PAPPA: variants seen among roughly 807,000 people sequenced by gnomAD.
The protein encoded by PAPPA is pappalysin-1.
PAPPA carries 60 observed loss-of-function variants against 164.0 expected under a neutral mutation model. The ratio of observed to expected loss-of-function variants is 0.37; its 90% confidence interval spans 0.30 to 0.45. The LOEUF is 0.45. PAPPA is among the 20% of genes least tolerant of loss of function. The pLI, the probability that PAPPA is intolerant of heterozygous loss-of-function variation, is 1.00. For missense variants in PAPPA, 1,782 were observed against 2,087.3 expected, an observed-to-expected ratio of 0.85 and a Z score of 2.85; for synonymous variants, 875 against 814.1, an observed-to-expected ratio of 1.07 and a Z score of -1.27.
intron 1 of PAPPA, among the ~76,000 whole-genome samples, chr9:116,185,614 C>G (rs1843960392): frequency 6.6e-6 from 1 of 152,168 alleles, no homozygotes; most frequent in African/African-American, 2.4e-5. Context: ...CCCACCTGGC[C>G]TCATACATCA....
chr9:116,324,920 C>T (rs1175382336), intron 10 of PAPPA, among the ~76,000 whole-genome samples: 1 of 152,182 alleles, frequency 6.6e-6, no homozygotes, highest in Non-Finnish European at 1.5e-5. Context: ...CCTTTGTAAG[C>T]TGTGTCAAGG....
chr9:116,358,452 T>G (rs1846381597), intron 17 of PAPPA, among the ~76,000 whole-genome samples: 1 of 152,224 alleles, frequency 6.6e-6, no homozygotes, highest in South Asian at 2.1e-4. Context: ...GATTGATTGC[T>G]TCATTTAAGC....
chr9:116,314,848 C>T lies in PAPPA; in HGVS notation c.3147+11898C>T, dbSNP rs141831667. On this transcript the variant is annotated intron_variant, in intron 10 of 21. Coordinates refer to ENST00000328252, the MANE Select transcript of PAPPA (RefSeq NM_002581.5). ...CAGCCCATGAGCAGCCTCCCTCTTC[C>T]ATGTACAGAATACTTCTGGAATTAT... is the stretch of plus-strand genomic sequence containing the variant. 9.7e-3 allele frequency among the ~76,000 whole-genome samples: 1,474 copies of T among 152,312 alleles called. 18 individuals are homozygous for T. The highest frequency in any genetic ancestry group is 0.042 in the South Asian group (202 of 4,812).
intron 17 of PAPPA, among the ~76,000 whole-genome samples, chr9:116,361,643 CAGTT>C (rs1362730714): frequency 6.6e-6 from 1 of 152,168 alleles, no homozygotes; most frequent in African/African-American, 2.4e-5. Flanking sequence ...CCCTCATAAC[CAGTT>C]ACTCTTCCTT....
chr9:116,293,540 C>T (rs115939371), intron 9 of PAPPA, among the ~76,000 whole-genome samples: 1,654 of 152,314 alleles, frequency 0.011, 22 homozygotes, highest in African/African-American at 0.038. Flanking sequence ...TGGGAAAGAA[C>T]TGGATGCATT....
intron 20 of PAPPA, among the ~76,000 whole-genome samples, chr9:116,378,098 T>A (rs1846679154): frequency 6.6e-6 from 1 of 152,214 alleles, no homozygotes. Flanking sequence ...ACCTATTCCT[T>A]CTGCCCCACA....
intron 11 of PAPPA, among the ~76,000 whole-genome samples, chr9:116,331,985 T>A (rs1424072423): frequency 6.6e-6 from 1 of 152,188 alleles, no homozygotes; most frequent in Non-Finnish European, 1.5e-5. Context: ...ACTCTCATTA[T>A]CTTACTAGAA....
chr9:116,298,318 C>A (rs1052765420), intron 9 of PAPPA, among the ~76,000 whole-genome samples: 6 of 152,230 alleles, frequency 3.9e-5, no homozygotes, highest in African/African-American at 1.4e-4. Flanking sequence ...GAACTCATTT[C>A]TTCCAAAAGG....
chr9:116,264,344 C>G (rs183982135), intron 7 of PAPPA, among the ~76,000 whole-genome samples: 1 of 152,218 alleles, frequency 6.6e-6, no homozygotes, highest in African/African-American at 2.4e-5. Context: ...GTATGTCCAC[C>G]TATTTCATCT....
At chr9:116,191,082 T>G (rs187868707) in intron 2 of PAPPA, among the ~76,000 whole-genome samples, 44 of 152,230 alleles carry the variant, frequency 2.9e-4, no homozygotes, top group African/African-American at 1.0e-3. Flanking sequence ...GGGAGAGTCA[T>G]GATTACATGG....
At chr9:116,176,902 T>C (rs758653174) in intron 1 of PAPPA, among the ~76,000 whole-genome samples, 66 of 151,968 alleles carry the variant, frequency 4.3e-4, no homozygotes, top group Non-Finnish European at 8.8e-4. Flanking sequence ...GGAAGCTTCC[T>C]TTACTTCTCC....
intron 9 of PAPPA, among the ~76,000 whole-genome samples, chr9:116,292,031 A>G (rs892523001): frequency 2.0e-5 from 3 of 152,210 alleles, no homozygotes; most frequent in Non-Finnish European, 4.4e-5. Flanking sequence ...AAATGTGAAC[A>G]TCAAGTTCAG....
chr9:116,387,391 T>TTTC (rs1460771492), intron 21 of PAPPA, among the ~76,000 whole-genome samples: 15 of 152,182 alleles, frequency 9.9e-5, no homozygotes, highest in Admixed American at 3.3e-4. Context: ...GTTGTTCTTT[T>TTTC]TTCTTTTTCT....
rs559424361 is a variant in PAPPA, at chr9:116,270,468, T to G, written c.2862-857T>G. 3.9e-5 allele frequency among the ~76,000 whole-genome samples: 6 copies of G among 152,342 alleles called. No homozygotes were observed. The South Asian group carries it at 1.2e-3, about 32-fold the overall frequency. ...TTAAATGTAAATCATCACAGAAATA[T>G]CAGATCAAGAGGTCAAGTGACTTTG... On this transcript the variant is annotated intron_variant, in intron 8 of 21. Transcript: ENST00000328252.
At position 116,312,947 on chromosome 9, in the gene PAPPA, G is replaced by C. The variant is rs569716167; in HGVS notation, c.3147+9997G>C. Among the ~76,000 whole-genome samples the C allele has an allele frequency of 3.9e-5, 6 of 152,112 alleles. No individual in the cohort carries two copies. In the South Asian group the frequency reaches 1.2e-3, roughly 32 times the overall value. ...AAACACAAAAAATTAGCTGGGCGTG[G>C]TGGTGGGTACCTGTAGTCCCAGCTA... On this transcript the variant is annotated intron_variant, in intron 10 of 21. Transcript: ENST00000328252.
chr9:116,344,578 C>A lies in PAPPA; in HGVS notation c.3647C>A (p.Pro1216Gln). 1 of 1,614,088 alleles carries A rather than the reference C, an allele frequency of 6.2e-7. No homozygotes were observed. Among genetic ancestry groups the A allele is most frequent in the South Asian group, 1.1e-5 (1 of 91,076 alleles). Residue 1216 changes from proline to glutamine, a missense_variant, in exon 14 of 22, where the codon CCA becomes CAA. Physicochemically the swap from Pro to Gln is moderately conservative, Grantham distance 76. Transcript: ENST00000328252. ...VHFACEKTDC[P>Q]ELAVENASLN... is the part of the protein sequence containing the mutation. The stretch of plus-strand genomic sequence containing the variant: ...TTCGCATGTGAGAAAACTGACTGTC[C>A]AGAGCTGGCTGTGGAGAATGCTTCT...
rs1328988799 is a variant in PAPPA, at chr9:116,241,445, CTT to C, written c.2732+5809_2732+5810del. Among the ~76,000 whole-genome samples the C allele has an allele frequency of 2.8e-4, 43 of 152,272 alleles. No homozygotes were observed. In the East Asian group the frequency reaches 8.3e-3, roughly 29 times the overall value. ...AGAAACCAGAAGTGTCCCCCAGTAA[CTT>C]ATAATGAAAGCTAGCTGAGCTGCCA... On this transcript the variant is annotated intron_variant, in intron 7 of 21. Coordinates refer to ENST00000328252, the MANE Select transcript of PAPPA (RefSeq NM_002581.5).
intron 7 of PAPPA, among the ~76,000 whole-genome samples, chr9:116,239,887 C>A (rs549932213): frequency 1.3e-5 from 2 of 152,124 alleles, no homozygotes; most frequent in Admixed American, 6.5e-5. Flanking sequence ...AGTCCACAAT[C>A]AGTCCCTGTG....
chr9:116,341,003 C>G (rs1026488751), intron 13 of PAPPA, among the ~76,000 whole-genome samples: 60 of 151,270 alleles, frequency 4.0e-4, no homozygotes, highest in Admixed American at 3.7e-3. Context: ...CTCTCTTGCC[C>G]TCTCTTTTTT....
Sources: gnomAD v4.1 joint callset for allele counts (sites outside exome capture counted in the v4.1 genomes callset) on GRCh38, gnomAD v4.1.1 for gene constraint, MANE v1.5 for transcripts, NCBI Gene and HGNC (gene_info 2026-07-23, HGNC 2026-07-21) for gene names.